Variants in ACIN1 observed in about 807,000 individuals in gnomAD.
ACIN1 encodes apoptotic chromatin condensation inducer 1.
A neutral mutation model predicts 146.6 loss-of-function variants in ACIN1; 16 were observed. That is an observed-to-expected ratio of 0.11 (90% CI 0.07 to 0.17). ACIN1 has a LOEUF of 0.17. ACIN1 is among the 10% of genes least tolerant of loss of function. The pLI is 1.00. For synonymous variants in ACIN1, 569 were observed against 582.7 expected (o/e 0.98, Z 0.34); for missense variants, 1,357 against 1,609.3 (o/e 0.84, Z 2.68).
chr14:23,080,800 C>G lies in ACIN1; in HGVS notation c.535G>C (p.Ala179Pro). The G allele has an allele frequency of 6.3e-7, 1 of 1,596,690 alleles. No individual in the cohort carries two copies. Among genetic ancestry groups the G allele is most frequent in the Non-Finnish European group, 8.5e-7 (1 of 1,170,230 alleles). The change falls in exon 6 of 19, where the codon GCT becomes CCT. Residue 179 changes from alanine to proline, a missense_variant. Ala to Pro is a conservative substitution (Grantham distance 27). This residue lies in a region of ACIN1 where 771 missense variants were observed against 746.6 expected (regional missense o/e 1.03). Coordinates refer to ENST00000605057, the MANE Select transcript of ACIN1 (RefSeq NM_001386863.1). ...RSSRVRQARA[A>P]KLSEGSQPAE... ...GGTTGGCTGCCCTCAGACAGTTTAG[C>G]TGCTCTTGCCTGAAAGAACAGATAC...
At chr14:23,075,781 C>T (rs1266424754) in intron 8 of ACIN1, among the ~76,000 whole-genome samples, 2 of 151,868 alleles carry the variant, frequency 1.3e-5, no homozygotes, top group East Asian at 1.9e-4. Context: ...CTCAGCTCAC[C>T]GCACCTTCCG....
At chr14:23,079,370 C>A (rs572155183) in intron 6 of ACIN1, among the ~76,000 whole-genome samples, 177 bp downstream of exon 6, 1 of 152,080 alleles carries the variant, frequency 6.6e-6, no homozygotes, top group African/African-American at 2.4e-5. Flanking sequence ...AACCCCATTT[C>A]GGGAATCAGT....
chr14:23,079,929 T>C lies in ACIN1; in HGVS notation c.1406A>G (p.Gln469Arg). ...DLEPESDRSA[Q>R]PLPLKIEELA... ...TTCCTCAATTTTTAGAGGGAGGGGC[T>C]GAGCAGATCTGTCTGACTCAGGTTC... Residue 469 changes from glutamine (Q) to arginine (R), a missense_variant, in exon 6 of 19, where the codon CAG becomes CGG. Gln to Arg is a conservative substitution (Grantham distance 43). Transcript: ENST00000605057. 1 of 1,614,194 alleles carries C rather than the reference T, an allele frequency of 6.2e-7. No individual in the cohort carries two copies. Among genetic ancestry groups the C allele is most frequent in the South Asian group, 1.1e-5 (1 of 91,090 alleles).
rs745339078 is a variant in ACIN1, at chr14:23,063,402, C to T, written c.2737+34G>A. The T allele has an allele frequency of 4.4e-6, 7 of 1,599,466 alleles. No individual in the cohort carries two copies. In the Admixed American group the frequency reaches 6.9e-5, roughly 16 times the overall value. ...TGAGGTGCTCTGAGAATTCAGGGAG[C>T]CGCATTACATTTCTCTCACAATATG... is the stretch of plus-strand genomic sequence containing the variant. On this transcript the variant is annotated intron_variant, in intron 13 of 18. Transcript: ENST00000605057.
In ACIN1 at chr14:23,058,706, A is replaced by G. The variant is rs376014561; in HGVS notation, c.*442T>C. On this transcript the variant is annotated 3_prime_UTR_variant, in exon 19 of 19. Transcript: ENST00000605057. Reference sequence around the variant, plus strand: ...GAAAGAGGCAAGGGCTGCAGGACAGAAGAGACTGGGAACTGCAGGGGCCCT... The same window carrying G: ...GAAAGAGGCAAGGGCTGCAGGACAGGAGAGACTGGGAACTGCAGGGGCCCT... The G allele has an allele frequency of 6.1e-4, 113 of 183,762 alleles. No individual in the cohort carries two copies. Among genetic ancestry groups the G allele is most frequent in the African/African-American group, 2.4e-3 (104 of 42,802 alleles). 11.4% of individuals were successfully genotyped at this position (183,762 alleles called of 1,614,324 possible). A position where few individuals can be genotyped will look rare whatever the true frequency, so the allele number is the denominator to read the frequency against.
intron 1 of ACIN1, 117 bp downstream of exon 1, chr14:23,094,858 G>T (rs965503460): frequency 3.1e-4 from 425 of 1,382,686 alleles, no homozygotes; most frequent in Middle Eastern, 1.8e-3. Context: ...CCAGAGGCTC[G>T]CGCTGGCGGC....
At position 23,059,181 on chromosome 14, in the gene ACIN1, G is replaced by A. The variant is rs774622904; in HGVS notation, c.3819C>T (p.Ser1273=). Residue 1273 remains serine, a synonymous_variant, in exon 19 of 19, where the codon AGC becomes AGT. Transcript: ENST00000605057. ...TKRHSRSRSR[S]TPVRDRGGRR ...GCCCACCCCGGTCCCGCACAGGTGTGCTCCGACTCCGGCTTCTGCTGTGGC... is the reference window on the plus strand; with the variant it reads ...GCCCACCCCGGTCCCGCACAGGTGTACTCCGACTCCGGCTTCTGCTGTGGC... The A allele has an allele frequency of 1.5e-5, 25 of 1,613,858 alleles. No homozygotes were observed. Among genetic ancestry groups the A allele is most frequent in the Admixed American group, 3.3e-5 (2 of 59,986 alleles).
At chr14:23,063,260 A>G in intron 13 of ACIN1, 176 bp downstream of exon 13, 1 of 1,124,356 alleles carries the variant, frequency 8.9e-7, no homozygotes, top group East Asian at 2.5e-5. Flanking sequence ...AGATTCAAAG[A>G]TTAAACAGAG....
At position 23,093,371 on chromosome 14, in the gene ACIN1, T is replaced by C. The variant is rs1021239758; in HGVS notation, c.204+108A>G. On this transcript the variant is annotated intron_variant, in intron 2 of 18. Coordinates refer to ENST00000605057, the MANE Select transcript of ACIN1 (RefSeq NM_001386863.1). The stretch of plus-strand genomic sequence containing the variant: ...TGAGAACATTTCTGACTAAGAGAAC[T>C]TAGGAAAACAGTCATGAGGACTTAA... The C allele has an allele frequency of 7.8e-6, 9 of 1,150,620 alleles. No homozygotes were observed. The African/African-American group carries it at 9.3e-5, about 12-fold the overall frequency. The allele number at this position is 1,150,620 out of a possible 1,614,324, so 71.3% of individuals were successfully genotyped here.
chr14:23,081,572 G>A (rs528547719), intron 5 of ACIN1, among the ~76,000 whole-genome samples, 176 bp downstream of exon 5: 193 of 152,288 alleles, frequency 1.3e-3, no homozygotes, highest in Admixed American at 4.3e-3. Flanking sequence ...CGAGGCTGTA[G>A]TAAGCTGTGA....
intron 8 of ACIN1, among the ~76,000 whole-genome samples, chr14:23,071,896 A>G (rs914201436): frequency 2.0e-5 from 3 of 152,210 alleles, no homozygotes; most frequent in Non-Finnish European, 4.4e-5. Flanking sequence ...GGGAGTGAAA[A>G]AGGATTAAAT....
upstream of ACIN1, chr14:23,095,319 A>T (rs760769388): frequency 6.4e-7 from 1 of 1,565,950 alleles, no homozygotes; most frequent in Admixed American, 1.8e-5. Context: ...TCCGCCCTGC[A>T]GCGCCCCTTT....
chr14:23,091,904 G>A (rs1365764492), intron 2 of ACIN1, among the ~76,000 whole-genome samples: 1 of 152,242 alleles, frequency 6.6e-6, no homozygotes, highest in African/African-American at 2.4e-5. Flanking sequence ...CATTACAGGC[G>A]TGAGCCACAA....
At chr14:23,088,743 C>T (rs570514147) in intron 4 of ACIN1, among the ~76,000 whole-genome samples, 1 of 152,152 alleles carries the variant, frequency 6.6e-6, no homozygotes, top group Non-Finnish European at 1.5e-5. Context: ...TATTAAGTAT[C>T]CCTTTTCCAA....
chr14:23,088,688 C>T (rs1297080484), intron 4 of ACIN1, among the ~76,000 whole-genome samples: 2 of 152,202 alleles, frequency 1.3e-5, no homozygotes, highest in African/African-American at 4.8e-5. Context: ...TTAAGTTACA[C>T]ATTGGTTTAA....
chr14:23,088,155 A>AT (rs944470769), intron 4 of ACIN1, among the ~76,000 whole-genome samples: 21 of 151,838 alleles, frequency 1.4e-4, no homozygotes, highest in African/African-American at 3.9e-4. Flanking sequence ...AATTCAATAA[A>AT]TTTTTTTTTG....
Position 23,059,438 on chromosome 14 carries a change from TG to T in ACIN1, c.3561del (p.Lys1188ArgfsTer171). On this transcript the variant is annotated frameshift_variant, in exon 19 of 19. Coordinates refer to ENST00000605057, the MANE Select transcript of ACIN1 (RefSeq NM_001386863.1). LOFTEE classifies it high-confidence loss of function. ...TCCTTTCGCCGCTTCTCCCGCTCCT[TG>T]GCCCGTTCGGCCCGCTCTGCCTCTT... ...VQKEAERAER[A>X]KEREKRRKEQ... 1 of 1,613,830 alleles carries T rather than the reference TG, an allele frequency of 6.2e-7. No individual in the cohort carries two copies. Among genetic ancestry groups the T allele is most frequent in the Non-Finnish European group, 8.5e-7 (1 of 1,179,998 alleles).
rs773655063 is a variant in ACIN1 at position 23,062,308 on chromosome 14, A to G, written c.2992-33T>C. On this transcript the variant is annotated intron_variant, in intron 15 of 18. Transcript: ENST00000605057. ...AGGAAGGGAGAAGATGGAGGGTCAC[A>G]GTGTGTCTGCAACCCTTCCCACGTG... 126 of 1,605,250 alleles carry G rather than the reference A, an allele frequency of 7.8e-5. 1 individual carries two copies. Among genetic ancestry groups the G allele is most frequent in the Non-Finnish European group, 1.0e-4 (123 of 1,172,200 alleles).
intron 1 of ACIN1, chr14:23,094,427 A>T (rs2080433328): frequency 1.2e-5 from 12 of 977,422 alleles, no homozygotes; most frequent in Non-Finnish European, 1.5e-5. Context: ...TTGCCACTAG[A>T]TGCCACTAAA....
Sources: allele counts gnomAD v4.1 joint callset (sites outside exome capture counted in the v4.1 genomes callset), GRCh38; gene constraint gnomAD v4.1.1; regional missense constraint gnomAD v4.1.1; transcripts MANE v1.5; gene names NCBI Gene and HGNC (gene_info 2026-07-23, HGNC 2026-07-21).